PADI4: variants seen among roughly 807,000 people sequenced by gnomAD.
The protein encoded by PADI4 is protein-arginine deiminase type-4.
PADI4 carries 62 observed loss-of-function variants against 75.0 expected under a neutral mutation model. The ratio of observed to expected loss-of-function variants is 0.83; its 90% CI spans 0.67 to 1.02. PADI4 has a LOEUF of 1.02. Ranked by LOEUF, PADI4 falls within the 50% of genes least tolerant of loss-of-function variation. The probability of loss-of-function intolerance (pLI) is 0.00; values close to 1 mark genes in which losing one functional copy is unlikely to be tolerated. For missense variants in PADI4, 845 were observed against 850.5 expected, an observed-to-expected ratio of 0.99 and a Z score of 0.08; for synonymous variants, 361 against 348.1, an observed-to-expected ratio of 1.04 and a Z score of -0.41.
chr1:17,308,326 G>A lies in PADI4; in HGVS notation c.92+12G>A, dbSNP rs2073708976. 1 of 1,607,834 alleles carries A rather than the reference G, an allele frequency of 6.2e-7. No homozygotes were observed. The highest frequency in any genetic ancestry group is 2.2e-5 in the East Asian group (1 of 44,820). ...CTTGACATCTGCAGGTAAGAGGGGG[G>A]CCTTCTGGGGTTTTGGAGGCAGGTC... is the stretch of plus-strand genomic sequence containing the variant. On this transcript the variant is annotated intron_variant, in intron 1 of 15. Coordinates refer to ENST00000375448, the MANE Select transcript of PADI4 (RefSeq NM_012387.3).
chr1:17,318,308 G>A (rs563758534), intron 1 of PADI4, among the ~76,000 whole-genome samples: 24 of 152,298 alleles, frequency 1.6e-4, no homozygotes, highest in Middle Eastern at 3.4e-3. Context: ...ACCCAGAAAC[G>A]TCACTTTGCC....
At chr1:17,317,153 T>A (rs893165629) in intron 1 of PADI4, among the ~76,000 whole-genome samples, 1 of 152,166 alleles carries the variant, frequency 6.6e-6, no homozygotes, top group Non-Finnish European at 1.5e-5. Flanking sequence ...CTCAAACTTA[T>A]GGACTCAAGC....
chr1:17,317,511 C>G (rs560150949), intron 1 of PADI4, among the ~76,000 whole-genome samples: 1 of 151,606 alleles, frequency 6.6e-6, no homozygotes, highest in Non-Finnish European at 1.5e-5. Flanking sequence ...CCTCGTGATC[C>G]GCCCGTCTCG....
intron 15 of PADI4, among the ~76,000 whole-genome samples, chr1:17,361,615 A>G (rs2074849834): frequency 6.6e-6 from 1 of 152,286 alleles, no homozygotes; most frequent in East Asian, 1.9e-4. Context: ...GTTCTTACCT[A>G]ATTGTCATTG....
At chr1:17,323,333 C>CT (rs2074063630) in intron 1 of PADI4, among the ~76,000 whole-genome samples, 1 of 79,448 alleles carries the variant, frequency 1.3e-5, no homozygotes, top group African/African-American at 4.2e-5. Context: ...ACTTTTACTT[C>CT]CTTGGTTAGA....
intron 1 of PADI4, among the ~76,000 whole-genome samples, chr1:17,323,659 C>T (rs900665928): frequency 2.0e-5 from 3 of 152,092 alleles, no homozygotes; most frequent in African/African-American, 7.2e-5. Flanking sequence ...CATGGCAAAA[C>T]CCCATCTCTA....
At chr1:17,360,737 C>T (rs562705588) in intron 15 of PADI4, among the ~76,000 whole-genome samples, 16 of 152,146 alleles carry the variant, frequency 1.1e-4, no homozygotes, top group Non-Finnish European at 1.5e-4. Context: ...CCAACAAACA[C>T]GACACCCTCA....
chr1:17,341,764 G>A (rs970860294), intron 6 of PADI4, among the ~76,000 whole-genome samples, 179 bp from the exon 7 acceptor site: 47 of 152,316 alleles, frequency 3.1e-4, no homozygotes, highest in African/African-American at 1.1e-3. Context: ...GGGGAGCAGC[G>A]TCCCAGCTAG....
chr1:17,343,480 G>C (rs77549925), intron 8 of PADI4, among the ~76,000 whole-genome samples: 1 of 152,142 alleles, frequency 6.6e-6, no homozygotes, highest in Non-Finnish European at 1.5e-5. Context: ...ACTGTATTCC[G>C]GTCCCAGCAC....
At chr1:17,319,894 G>A (rs1243076848) in intron 1 of PADI4, among the ~76,000 whole-genome samples, 1 of 152,176 alleles carries the variant, frequency 6.6e-6, no homozygotes, top group Non-Finnish European at 1.5e-5. Flanking sequence ...CTCCAGTTAG[G>A]TTACAGTTTA....
intron 1 of PADI4, among the ~76,000 whole-genome samples, chr1:17,309,145 TAAAA>T (rs60497625): frequency 7.2e-6 from 1 of 138,762 alleles, no homozygotes; most frequent in African/African-American, 2.7e-5. Flanking sequence ...AGTTCTATGT[TAAAA>T]AAAAAAAAAA....
At chr1:17,323,229 GGTGA>G in intron 1 of PADI4, among the ~76,000 whole-genome samples, 1 of 152,142 alleles carries the variant, frequency 6.6e-6, no homozygotes, top group African/African-American at 2.4e-5. Context: ...GCTTCATCAA[GGTGA>G]GCAAGGCAAG....
chr1:17,357,212 G>A (rs2074775654), intron 13 of PADI4, among the ~76,000 whole-genome samples: 1 of 152,208 alleles, frequency 6.6e-6, no homozygotes, highest in Non-Finnish European at 1.5e-5. Context: ...CTATTGCCCA[G>A]GCTGGAGTGC....
In PADI4 at chr1:17,336,237, C is replaced by G. The variant is rs928443019; in HGVS notation, c.408+11C>G. ...GCTGTGAAAGATCAGGTACCACTCA[C>G]CCAAACGCTCCTTTCCTACTTCTAC... On this transcript the variant is annotated intron_variant, in intron 4 of 15. Transcript: ENST00000375448. 1 of 1,610,380 alleles carries G rather than the reference C, an allele frequency of 6.2e-7. No individual in the cohort carries two copies. The highest frequency in any genetic ancestry group is 1.3e-5 in the African/African-American group (1 of 75,012).
intron 2 of PADI4, among the ~76,000 whole-genome samples, chr1:17,331,853 G>A (rs1412634676): frequency 1.3e-5 from 2 of 152,180 alleles, no homozygotes; most frequent in African/African-American, 4.8e-5. Context: ...GGGAGGGGGA[G>A]GTTTCAGTGA....
chr1:17,326,836 A>G (rs1001271187), intron 1 of PADI4, among the ~76,000 whole-genome samples: 3 of 150,976 alleles, frequency 2.0e-5, no homozygotes, highest in South Asian at 4.2e-4. Flanking sequence ...GAAATCTTCA[A>G]CTCTGATGGT....
At chr1:17,351,890 A>G (rs1165441847) in intron 10 of PADI4, among the ~76,000 whole-genome samples, 3 of 137,086 alleles carry the variant, frequency 2.2e-5, no homozygotes, top group East Asian at 2.0e-4. Flanking sequence ...GAGGTGGTAG[A>G]AAAGGCAGTC....
At position 17,342,364 on chromosome 1, in the gene PADI4, C is replaced by G; in HGVS notation, c.897C>G (p.Thr299=). The G allele has an allele frequency of 6.2e-7, 1 of 1,613,854 alleles. No homozygotes were observed. The highest frequency in any genetic ancestry group is 8.5e-7 in the Non-Finnish European group (1 of 1,179,790). The part of the protein sequence containing the change: ...VVFRVAPWIM[T]PNTQPPQEVY... The stretch of plus-strand genomic sequence containing the variant: ...TCCGCGTGGCGCCCTGGATCATGAC[C>G]CCCAACACCCAGCCCCCGCAGGAGG... The change falls in exon 8 of 16, where the codon ACC becomes ACG. Residue 299 remains threonine (T), a synonymous_variant. Transcript: ENST00000375448.
At chr1:17,341,834 T>TGGTG (rs1162419375) in intron 6 of PADI4, 109 bp from the exon 7 acceptor site, 18 of 759,446 alleles carry the variant, frequency 2.4e-5, no homozygotes, top group Non-Finnish European at 3.9e-5. Context: ...GGTTCTCTGA[T>TGGTG]GGTGCCATGT....
Sources: gnomAD v4.1 joint callset for allele counts (sites outside exome capture counted in the v4.1 genomes callset) on GRCh38, gnomAD v4.1.1 for gene constraint, MANE v1.5 for transcripts, NCBI Gene and HGNC (gene_info 2026-07-23, HGNC 2026-07-21) for gene names.